ARHGEF3: variants seen among roughly 807,000 people sequenced by gnomAD.
The protein encoded by ARHGEF3 is 59.8 kDA protein.
In ARHGEF3, 28 loss-of-function variants were observed where a neutral mutation model predicts 63.2. That is an observed-to-expected ratio of 0.44 (90% confidence interval 0.33 to 0.61). The LOEUF (loss-of-function observed/expected upper bound fraction) is 0.61, where lower values mean the gene tolerates loss of function less well. Among genes scored for constraint, ARHGEF3 ranks in the 20% least tolerant of loss-of-function variants. The pLI, the probability that ARHGEF3 is intolerant of heterozygous loss-of-function variation, is 0.03. For missense variants in ARHGEF3, 533 were observed against 659.3 expected, an observed-to-expected ratio of 0.81 and a Z score of 2.10; for synonymous variants, 266 against 254.2, an observed-to-expected ratio of 1.05 and a Z score of -0.44.
intron 8 of ARHGEF3, among the ~76,000 whole-genome samples, chr3:56,733,358 C>T (rs1486451429): frequency 8.1e-6 from 1 of 123,672 alleles, no homozygotes; most frequent in Non-Finnish European, 1.7e-5. Flanking sequence ...CGCCTGTAAT[C>T]CCAGCTACTC....
chr3:57,007,224 G>C, intron 2 of ARHGEF3: 1 of 1,289,422 alleles, frequency 7.8e-7, no homozygotes, highest in South Asian at 1.2e-5. Flanking sequence ...GTCGAAGGTG[G>C]GGGGGTCAAT....
At chr3:56,889,923 G>A (rs529375866) in intron 3 of ARHGEF3, among the ~76,000 whole-genome samples, 97 of 152,192 alleles carry the variant, frequency 6.4e-4, no homozygotes, top group African/African-American at 2.2e-3. Flanking sequence ...TTAGCTGAGC[G>A]TGGTAGCGTG....
chr3:57,070,615 G>T (rs192283220), intron 1 of ARHGEF3, among the ~76,000 whole-genome samples: 1 of 152,208 alleles, frequency 6.6e-6, no homozygotes, highest in East Asian at 1.9e-4. Flanking sequence ...AAACTAACAA[G>T]CTGATCCTAA....
chr3:56,873,416 G>A (rs892607429), intron 4 of ARHGEF3, among the ~76,000 whole-genome samples: 3 of 151,988 alleles, frequency 2.0e-5, no homozygotes, highest in Non-Finnish European at 4.4e-5. Context: ...GCCCAAGTGT[G>A]TGTTGTTCCC....
At chr3:56,907,318 G>A (rs1053794033) in intron 3 of ARHGEF3, among the ~76,000 whole-genome samples, 105 of 152,266 alleles carry the variant, frequency 6.9e-4, no homozygotes, top group African/African-American at 2.1e-3. Flanking sequence ...GCTCCAGAGG[G>A]CACAACGCTA....
Position 56,852,739 on chromosome 3 carries a change from G to A in ARHGEF3, c.192+29553C>T, listed in dbSNP as rs150326001. 2.2e-4 allele frequency among the ~76,000 whole-genome samples: 33 copies of A among 152,228 alleles called. 1 individual carries two copies. Among genetic ancestry groups the A allele is most frequent in the African/African-American group, 7.2e-4 (30 of 41,540 alleles). On this transcript the variant is annotated intron_variant, in intron 4 of 12. Transcript: ENST00000338458. ...AATTGTATAATATGCCATTCTTAAT[G>A]GTCAACTTGGAGAAGAAAATGTGAA...
At position 56,942,713 on chromosome 3, in the gene ARHGEF3, T is replaced by C. The variant is rs557348348; in HGVS notation, c.129+16110A>G. On this transcript the variant is annotated intron_variant, in intron 3 of 12. Transcript: ENST00000338458. ...GAGGCAGGCTGAAAGTTAGGCCTAT[T>C]GTACCCAACAGCCGAGTTGTAAGTG... Among the ~76,000 whole-genome samples, 12 of 152,354 alleles carry C rather than the reference T, an allele frequency of 7.9e-5. No homozygotes were observed. In the East Asian group the frequency reaches 2.1e-3, roughly 27 times the overall value.
intron 3 of ARHGEF3, among the ~76,000 whole-genome samples, chr3:56,907,731 C>CT (rs2041733089): frequency 6.6e-6 from 1 of 152,162 alleles, no homozygotes; most frequent in Admixed American, 6.5e-5. Flanking sequence ...ATGGATGAAG[C>CT]TGGAGGCCAT....
chr3:56,936,464 G>A (rs564158972), intron 3 of ARHGEF3, among the ~76,000 whole-genome samples: 2 of 152,274 alleles, frequency 1.3e-5, no homozygotes, highest in African/African-American at 4.8e-5. Flanking sequence ...CCCACTCAGG[G>A]TCTGAGCTCT....
intron 3 of ARHGEF3, among the ~76,000 whole-genome samples, chr3:56,907,959 C>A (rs922221381): frequency 6.6e-6 from 1 of 152,116 alleles, no homozygotes; most frequent in East Asian, 1.9e-4. Flanking sequence ...ATACAACAAA[C>A]CCCCATGACA....
rs961224113 is a variant in ARHGEF3, at chr3:56,727,439, A to G, written c.*1831T>C. ...GGAGGATGACTTAATAATGTAATTT[A>G]TTTGAAATACTTCCAGAAAAGTTTA... On this transcript the variant is annotated 3_prime_UTR_variant, in exon 10 of 10. Transcript: ENST00000296315. 2.6e-5 allele frequency: 4 copies of G among 152,670 alleles called. No individual in the cohort carries two copies. The highest frequency in any genetic ancestry group is 9.6e-5 in the African/African-American group (4 of 41,466). The allele number at this position is 152,670 out of a possible 1,614,324, so 9.5% of individuals were successfully genotyped here.
intron 9 of ARHGEF3, 73 bp from the exon 10 acceptor site, chr3:56,729,695 G>C: frequency 7.9e-7 from 1 of 1,264,842 alleles, no homozygotes; most frequent in Admixed American, 2.1e-5. Flanking sequence ...AACACACGTA[G>C]TGACACTAAA....
chr3:56,941,239 G>T (rs556851350), intron 3 of ARHGEF3, among the ~76,000 whole-genome samples: 1 of 152,164 alleles, frequency 6.6e-6, no homozygotes, highest in Non-Finnish European at 1.5e-5. Flanking sequence ...GCAGAGTCTC[G>T]CTCTGTCGCA....
At chr3:57,059,528 G>T in intron 1 of ARHGEF3, among the ~76,000 whole-genome samples, 1 of 150,948 alleles carries the variant, frequency 6.6e-6, no homozygotes, top group South Asian at 2.1e-4. Context: ...GAGGGAGGGT[G>T]GTGAGCAGCA....
chr3:56,909,233 G>C (rs1560041514), intron 3 of ARHGEF3, among the ~76,000 whole-genome samples: 1 of 152,226 alleles, frequency 6.6e-6, no homozygotes, highest in Non-Finnish European at 1.5e-5. Flanking sequence ...AATACTCAAA[G>C]ATACACATGA....
At chr3:57,014,418 T>C (rs567810217) in intron 2 of ARHGEF3, among the ~76,000 whole-genome samples, 2 of 152,262 alleles carry the variant, frequency 1.3e-5, no homozygotes, top group South Asian at 4.2e-4. Flanking sequence ...CATCACAACC[T>C]GGACTCCCAT....
intron 6 of ARHGEF3, among the ~76,000 whole-genome samples, chr3:56,747,736 A>G (rs546755260): frequency 6.6e-6 from 1 of 152,304 alleles, no homozygotes; most frequent in Non-Finnish European, 1.5e-5. Context: ...AGTCACAAGA[A>G]TCGCTTGAAC....
intron 1 of ARHGEF3, chr3:56,775,321 A>G (rs2036235173): frequency 1.7e-6 from 2 of 1,185,392 alleles, no homozygotes; most frequent in Non-Finnish European, 2.1e-6. Context: ...TCAGAAATCA[A>G]CAGCCTTCTT....
chr3:56,816,001 G>A (rs904337909), intron 4 of ARHGEF3, among the ~76,000 whole-genome samples: 2 of 152,094 alleles, frequency 1.3e-5, no homozygotes, highest in Non-Finnish European at 2.9e-5. Flanking sequence ...ATCACTTGAG[G>A]CCAGAAACTC....
Sources: allele counts gnomAD v4.1 joint callset (sites outside exome capture counted in the v4.1 genomes callset), GRCh38; gene constraint gnomAD v4.1.1; transcripts MANE v1.5; gene names NCBI Gene and HGNC (gene_info 2026-07-23, HGNC 2026-07-21).